The following GLI2 variants were observed in gnomAD, a reference collection of about 807,000 sequenced individuals.
GLI2 encodes the protein GLI family zinc finger 2.
A neutral mutation model predicts 78.9 loss-of-function variants in GLI2; 22 were observed. The observed-to-expected ratio is 0.28, with a 90% CI of 0.20 to 0.40. The LOEUF is 0.40. GLI2 is among the 10% of genes least tolerant of loss of function. The pLI is 1.00. For missense variants in GLI2, 2,097 were observed against 2,213.2 expected, an observed-to-expected ratio of 0.95 and a Z score of 1.05; for synonymous variants, 974 against 963.7, an observed-to-expected ratio of 1.01 and a Z score of -0.20.
intron 1 of GLI2, among the ~76,000 whole-genome samples, chr2:120,770,768 G>T (rs1042767626): frequency 4.6e-5 from 7 of 152,148 alleles, no homozygotes; most frequent in Non-Finnish European, 2.9e-5. Flanking sequence ...GCTCAGCAGC[G>T]GGCCAGGTGC....
intron 2 of GLI2, among the ~76,000 whole-genome samples, chr2:120,875,193 A>G (rs1051088012): frequency 6.6e-6 from 1 of 152,238 alleles, no homozygotes; most frequent in Admixed American, 6.5e-5. Flanking sequence ...GGGGACAGGC[A>G]TGTGCCATGC....
At chr2:120,850,377 C>T (rs1398983651) in intron 2 of GLI2, among the ~76,000 whole-genome samples, 1 of 152,208 alleles carries the variant, frequency 6.6e-6, no homozygotes, top group Non-Finnish European at 1.5e-5. Flanking sequence ...TAAACTACTA[C>T]CCTTCCGATC....
chr2:120,873,311 A>T (rs1558847606), intron 2 of GLI2, among the ~76,000 whole-genome samples: 1 of 152,268 alleles, frequency 6.6e-6, no homozygotes, highest in Non-Finnish European at 1.5e-5. Context: ...TGAGAAATTT[A>T]AAAGATATTT....
intron 2 of GLI2, among the ~76,000 whole-genome samples, chr2:120,902,715 G>A (rs1678328650): frequency 6.6e-6 from 1 of 152,220 alleles, no homozygotes; most frequent in Admixed American, 6.5e-5. Flanking sequence ...CATGATAGCA[G>A]GATGCTGTGC....
At chr2:120,896,913 G>A (rs1677997865) in intron 2 of GLI2, among the ~76,000 whole-genome samples, 1 of 151,452 alleles carries the variant, frequency 6.6e-6, no homozygotes, top group African/African-American at 2.4e-5. Flanking sequence ...ACAAAAAGTG[G>A]CGGAGATCAG....
In GLI2 at chr2:120,788,405, T is replaced by C. The variant is rs149318465; in HGVS notation, c.-30-8886T>C. 4.6e-5 allele frequency among the ~76,000 whole-genome samples: 7 copies of C among 152,310 alleles called. No individual in the cohort carries two copies. In the East Asian group the frequency reaches 1.4e-3, roughly 29 times the overall value. On this transcript the variant is annotated intron_variant, in intron 1 of 13. Coordinates refer to ENST00000361492, the MANE Select transcript of GLI2 (RefSeq NM_001374353.1). ...GAAGAATGTTCCTGGCAGGAAGGCA[T>C]GGGGATTGGAGAGGGCCTGCTGGCT...
chr2:120,787,097 A>G (rs1017272556), intron 1 of GLI2, among the ~76,000 whole-genome samples: 1 of 152,218 alleles, frequency 6.6e-6, no homozygotes, highest in African/African-American at 2.4e-5. Context: ...GCAGGCACAC[A>G]GGCAAGACAG....
chr2:120,812,965 G>A (rs1685327408), intron 2 of GLI2, among the ~76,000 whole-genome samples: 1 of 152,214 alleles, frequency 6.6e-6, no homozygotes, highest in African/African-American at 2.4e-5. Context: ...ATGTTGTGGA[G>A]CCTTTCCTGG....
intron 2 of GLI2, among the ~76,000 whole-genome samples, chr2:120,897,146 C>G (rs1443555018): frequency 1.3e-5 from 2 of 152,218 alleles, no homozygotes; most frequent in Non-Finnish European, 2.9e-5. Flanking sequence ...AGCCGCCACG[C>G]CCTCTCCATC....
At chr2:120,939,087 G>T (rs1204202435) in intron 3 of GLI2, among the ~76,000 whole-genome samples, 1 of 152,194 alleles carries the variant, frequency 6.6e-6, no homozygotes, top group African/African-American at 2.4e-5. Flanking sequence ...TTCGAGACCA[G>T]CCTGGCCAAC....
At chr2:120,854,862 C>T (rs906271286) in intron 2 of GLI2, among the ~76,000 whole-genome samples, 9 of 152,214 alleles carry the variant, frequency 5.9e-5, no homozygotes, top group Non-Finnish European at 1.0e-4. Flanking sequence ...TGTAAGTCCC[C>T]AGATGCTGCT....
At chr2:120,754,772 T>C (rs1484885065) in intron 1 of GLI2, among the ~76,000 whole-genome samples, 1 of 152,168 alleles carries the variant, frequency 6.6e-6, no homozygotes, top group Non-Finnish European at 1.5e-5. Context: ...CCTTTTCTCT[T>C]GGGTAAACAT....
At chr2:120,871,778 A>G (rs1172312535) in intron 2 of GLI2, among the ~76,000 whole-genome samples, 1 of 152,172 alleles carries the variant, frequency 6.6e-6, no homozygotes, top group Non-Finnish European at 1.5e-5. Flanking sequence ...TCAATGTAGC[A>G]ATTTGTCTTT....
intron 2 of GLI2, among the ~76,000 whole-genome samples, chr2:120,924,383 G>A (rs1679554713): frequency 6.6e-6 from 1 of 152,180 alleles, no homozygotes; most frequent in Non-Finnish European, 1.5e-5. Context: ...AAGCCATTCA[G>A]AGCCTTCGAT....
At chr2:120,976,170 A>G (rs1682448991) in intron 9 of GLI2, among the ~76,000 whole-genome samples, 1 of 151,624 alleles carries the variant, frequency 6.6e-6, no homozygotes, top group Non-Finnish European at 1.5e-5. Context: ...AAGAGCAGAC[A>G]CACACGCACG....
At chr2:120,808,798 G>A (rs1685083458) in intron 2 of GLI2, among the ~76,000 whole-genome samples, 3 of 152,200 alleles carry the variant, frequency 2.0e-5, no homozygotes, top group Admixed American at 1.3e-4. Context: ...AGTGCAGGGT[G>A]GCCTGGCATG....
chr2:120,754,751 G>T (rs997991872), intron 1 of GLI2, among the ~76,000 whole-genome samples: 1 of 152,090 alleles, frequency 6.6e-6, no homozygotes. Context: ...CATTGTATGC[G>T]CATGTGCTTT....
intron 3 of GLI2, among the ~76,000 whole-genome samples, chr2:120,932,625 G>T (rs1046897415): frequency 6.6e-6 from 1 of 152,130 alleles, no homozygotes; most frequent in Non-Finnish European, 1.5e-5. Context: ...CTATAGAAGG[G>T]CCAGATCTGC....
intron 2 of GLI2, among the ~76,000 whole-genome samples, chr2:120,877,141 C>A (rs1356890187): frequency 6.6e-6 from 1 of 152,116 alleles, no homozygotes. Context: ...CTGGCCTCCC[C>A]TCCTCCTCCA....
Sources: allele counts gnomAD v4.1 joint callset (sites outside exome capture counted in the v4.1 genomes callset), GRCh38; gene constraint gnomAD v4.1.1; transcripts MANE v1.5; gene names NCBI Gene and HGNC (gene_info 2026-07-23, HGNC 2026-07-21).